The following SLC18A2 variants were observed in gnomAD, a reference collection of about 807,000 sequenced individuals.
The protein encoded by SLC18A2 is solute carrier family 18 member A2.
Under a neutral mutation model 59.2 loss-of-function variants are expected in SLC18A2, and 33 were observed. The observed-to-expected ratio is 0.56, with a 90% CI of 0.42 to 0.75. The LOEUF (loss-of-function observed/expected upper bound fraction) is 0.75, where lower values mean the gene tolerates loss of function less well. SLC18A2 is among the 30% of genes least tolerant of loss of function. The pLI, the probability that SLC18A2 is intolerant of heterozygous loss-of-function variation, is 0.00. For synonymous variants in SLC18A2, 228 were observed against 253.5 expected (o/e 0.90, Z 0.95); for missense variants, 569 against 668.6 (o/e 0.85, Z 1.64).
intron 10 of SLC18A2, among the ~76,000 whole-genome samples, chr10:117,261,195 A>AAAAACAGAAC (rs1554952322): frequency 1.5e-4 from 6 of 39,978 alleles, no homozygotes; most frequent in Non-Finnish European, 3.7e-4. Flanking sequence ...CTGTCTCTAC[A>AAAAACAGAAC]AAAACAAAAC....
chr10:117,251,878 A>C (rs1221858856), intron 3 of SLC18A2, among the ~76,000 whole-genome samples: 1 of 152,156 alleles, frequency 6.6e-6, no homozygotes, highest in Non-Finnish European at 1.5e-5. Flanking sequence ...GGCCCTTATT[A>C]AATCATGACT....
At chr10:117,263,966 C>T (rs1018388751) in intron 10 of SLC18A2, among the ~76,000 whole-genome samples, 1 of 152,180 alleles carries the variant, frequency 6.6e-6, no homozygotes, top group Non-Finnish European at 1.5e-5. Context: ...AGACCATTGC[C>T]CCTATTCTGG....
intron 3 of SLC18A2, among the ~76,000 whole-genome samples, chr10:117,248,012 C>T (rs1415460109): frequency 6.6e-6 from 1 of 152,136 alleles, no homozygotes; most frequent in Non-Finnish European, 1.5e-5. Flanking sequence ...CTCTATTGCC[C>T]AGGCTGGAGT....
At chr10:117,266,675 T>G (rs11568725) in intron 10 of SLC18A2, 58 bp from the exon 11 acceptor site, 28,986 of 1,345,920 alleles carry the variant, frequency 0.022, 405 homozygotes, top group Middle Eastern at 0.039. Flanking sequence ...AGTTATTACT[T>G]TTTCTAACAT....
chr10:117,245,984 A>T (rs1200764776), intron 3 of SLC18A2, among the ~76,000 whole-genome samples: 1 of 152,236 alleles, frequency 6.6e-6, no homozygotes, highest in Non-Finnish European at 1.5e-5. Context: ...AACCCAGCGA[A>T]GGGCTGACTG....
At chr10:117,275,397 G>T (rs1589987832) in intron 15 of SLC18A2, among the ~76,000 whole-genome samples, 2 of 152,310 alleles carry the variant, frequency 1.3e-5, no homozygotes, top group African/African-American at 4.8e-5. Context: ...TAACAGACAA[G>T]ATGGGTTACA....
chr10:117,242,254 A>C (rs1280356048), intron 2 of SLC18A2, among the ~76,000 whole-genome samples: 1 of 152,208 alleles, frequency 6.6e-6, no homozygotes, highest in Non-Finnish European at 1.5e-5. Flanking sequence ...AAAACAAGAC[A>C]TTTAGATATA....
chr10:117,246,651 A>AT (rs144696052), intron 3 of SLC18A2, among the ~76,000 whole-genome samples: 4,215 of 150,462 alleles, frequency 0.028, 189 homozygotes, highest in African/African-American at 0.097. Flanking sequence ...GGACAAACAA[A>AT]TTTTTTTTTC....
At chr10:117,261,314 C>A (rs985241418) in intron 10 of SLC18A2, among the ~76,000 whole-genome samples, 1 of 152,170 alleles carries the variant, frequency 6.6e-6, no homozygotes, top group Non-Finnish European at 1.5e-5. Context: ...GGGAGTATTA[C>A]CTGAGCCCAG....
Position 117,278,892 on chromosome 10 carries a change from A to G in SLC18A2, c.*1626A>G, listed in dbSNP as rs1013436158. ...GAAGATGGCTCTGGAGGAAACTCTC[A>G]TATGGCTAAAAAGGCAGGCTAGTTT... On this transcript the variant is annotated 3_prime_UTR_variant, in exon 16 of 16. Coordinates refer to ENST00000644641, the MANE Select transcript of SLC18A2 (RefSeq NM_003054.6). 3 of 152,228 alleles carry G rather than the reference A, an allele frequency of 2.0e-5. No individual in the cohort carries two copies. Among genetic ancestry groups the G allele is most frequent in the Non-Finnish European group, 4.4e-5 (3 of 68,044 alleles). The allele number at this position is 152,228 out of a possible 1,614,324, so 9.4% of individuals were successfully genotyped here.
rs57101171 is a variant in SLC18A2, at chr10:117,252,134, A to ATTTTTT, written c.465-1241_465-1236dup. 7.2e-4 allele frequency among the ~76,000 whole-genome samples: 32 copies of ATTTTTT among 44,344 alleles called. 2 individuals carry two copies. The highest frequency in any genetic ancestry group is 6.4e-3 in the South Asian group (5 of 776). The allele number at this position is 44,344 out of a possible 152,430, so 29.1% of individuals were successfully genotyped here. On this transcript the variant is annotated intron_variant, in intron 3 of 15. Transcript: ENST00000644641. Reference sequence around the variant, plus strand: ...CTACTATGCCTGACTCATTTTTTGTATTTTTTTTTTTTTTTTTTTTTTTTT... The same window carrying ATTTTTT: ...CTACTATGCCTGACTCATTTTTTGTATTTTTTTTTTTTTTTTTTTTTTTTTTTTTTT...
At chr10:117,249,838 A>G (rs1386913522) in intron 3 of SLC18A2, among the ~76,000 whole-genome samples, 2 of 95,968 alleles carry the variant, frequency 2.1e-5, no homozygotes, top group Admixed American at 1.1e-4. Flanking sequence ...GTCTTACTCA[A>G]ATTGGATTAA....
At position 117,270,462 on chromosome 10, in the gene SLC18A2, T is replaced by C. The variant is rs1844412479; in HGVS notation, c.1439T>C (p.Met480Thr). ...AGTCCACCTGCCAAAGAAGAAAAAA[T>C]GGTAAGAAAAATTTAGGATGCAGTG... ...LRSPPAKEEKMAILMDHNCPI... is the reference protein window; with the variant it reads ...LRSPPAKEEKTAILMDHNCPI... The change falls in exon 15 of 16, where the codon ATG becomes ACG. Residue 480 changes from methionine to threonine, a missense_variant and splice_region_variant. Met to Thr is a moderately conservative substitution (Grantham distance 81). This residue lies in a region of SLC18A2 where 192 missense variants were observed against 278.8 expected (regional missense o/e 0.69). Transcript: ENST00000644641. The C allele has an allele frequency of 6.2e-7, 1 of 1,613,204 alleles. No homozygotes were observed. The highest frequency in any genetic ancestry group is 1.3e-5 in the African/African-American group (1 of 74,870).
At position 117,255,665 on chromosome 10, in the gene SLC18A2, T is replaced by A; in HGVS notation, c.895+8T>A. 6.2e-7 allele frequency: 1 copy of A among 1,612,226 alleles called. No homozygotes were observed. Among genetic ancestry groups the A allele is most frequent in the Non-Finnish European group, 8.5e-7 (1 of 1,179,716 alleles). ...ACATCCTCATTGCTGCAGGTGGGGC[T>A]CTGTGGGTCTTCTGAGTCAGGGGAA... On this transcript the variant is annotated splice_region_variant and intron_variant, in intron 9 of 15. Coordinates refer to ENST00000644641, the MANE Select transcript of SLC18A2 (RefSeq NM_003054.6).
At chr10:117,274,754 A>T (rs1325229987) in intron 15 of SLC18A2, among the ~76,000 whole-genome samples, 4 of 152,194 alleles carry the variant, frequency 2.6e-5, no homozygotes, top group Non-Finnish European at 5.9e-5. Context: ...TCTATAGGAT[A>T]GCGTTCCCTG....
chr10:117,248,643 G>A (rs1489463123), intron 3 of SLC18A2, among the ~76,000 whole-genome samples: 1 of 152,216 alleles, frequency 6.6e-6, no homozygotes, highest in East Asian at 1.9e-4. Context: ...TTTGGTCTAA[G>A]AAGCAAATTT....
At chr10:117,252,721 G>A (rs1245943479) in intron 3 of SLC18A2, among the ~76,000 whole-genome samples, 3 of 152,170 alleles carry the variant, frequency 2.0e-5, no homozygotes, top group Non-Finnish European at 2.9e-5. Flanking sequence ...GAGGTGGGCG[G>A]TGGTCTCTCC....
At chr10:117,259,834 G>A (rs2133737395) in intron 10 of SLC18A2, among the ~76,000 whole-genome samples, 1 of 152,290 alleles carries the variant, frequency 6.6e-6, no homozygotes, top group Non-Finnish European at 1.5e-5. Flanking sequence ...CTGAACACTT[G>A]CTTAATCAGC....
At chr10:117,249,867 T>C (rs1254982823) in intron 3 of SLC18A2, among the ~76,000 whole-genome samples, 1 of 152,200 alleles carries the variant, frequency 6.6e-6, no homozygotes, top group Non-Finnish European at 1.5e-5. Flanking sequence ...TGATGCTCTG[T>C]AGAGGATGAC....
Sources: allele counts gnomAD v4.1 joint callset (sites outside exome capture counted in the v4.1 genomes callset), GRCh38; gene constraint gnomAD v4.1.1; regional missense constraint gnomAD v4.1.1; transcripts MANE v1.5; gene names NCBI Gene and HGNC (gene_info 2026-07-23, HGNC 2026-07-21).